INTU: variants seen among roughly 807,000 people sequenced by gnomAD.
INTU encodes inturned planar cell polarity protein.
INTU carries 68 observed loss-of-function variants against 100.5 expected under a neutral mutation model. The observed-to-expected ratio is 0.68, with a 90% CI of 0.56 to 0.83. The LOEUF (loss-of-function observed/expected upper bound fraction) is 0.83. Among genes scored for constraint, INTU ranks in the 40% least tolerant of loss-of-function variants. INTU has a pLI of 0.00. For missense variants in INTU, 1,071 were observed against 1,114.7 expected (o/e 0.96, Z 0.56); for synonymous variants, 357 against 395.7 (o/e 0.90, Z 1.16).
intron 13 of INTU, among the ~76,000 whole-genome samples, chr4:127,710,536 G>A (rs556749055): frequency 1.1e-4 from 17 of 152,176 alleles, no homozygotes; most frequent in Non-Finnish European, 1.6e-4. Context: ...CTGATATCTT[G>A]TTTATGGCTT....
intron 8 of INTU, among the ~76,000 whole-genome samples, chr4:127,697,328 C>G (rs1174511139): frequency 2.0e-5 from 3 of 152,122 alleles, no homozygotes; most frequent in Non-Finnish European, 4.4e-5. Context: ...CTCCCTACCC[C>G]TCCATCCCCA....
chr4:127,672,948 A>G (rs1292637629), intron 5 of INTU, among the ~76,000 whole-genome samples: 1 of 152,254 alleles, frequency 6.6e-6, no homozygotes, highest in African/African-American at 2.4e-5. Flanking sequence ...AATAGTTTCC[A>G]CATAGGTGTA....
chr4:127,716,146 C>T (rs1731254687), intron 15 of INTU, among the ~76,000 whole-genome samples, 179 bp from the exon 16 acceptor site: 1 of 152,052 alleles, frequency 6.6e-6, no homozygotes, highest in Admixed American at 6.6e-5. Context: ...TGACCTAAGG[C>T]ATATATTATT....
chr4:127,638,494 C>A (rs1252916559), intron 1 of INTU, among the ~76,000 whole-genome samples: 1 of 151,902 alleles, frequency 6.6e-6, no homozygotes, highest in African/African-American at 2.4e-5. Flanking sequence ...GGCATTAATG[C>A]AAATAAAGAC....
chr4:127,647,579 G>A (rs527330459), intron 2 of INTU, among the ~76,000 whole-genome samples: 2 of 152,318 alleles, frequency 1.3e-5, no homozygotes, highest in Admixed American at 6.5e-5. Context: ...CCTTCTTGCT[G>A]TGTAAGGTAG....
chr4:127,665,209 T>C (rs1385965735), intron 4 of INTU, among the ~76,000 whole-genome samples: 2 of 149,244 alleles, frequency 1.3e-5, no homozygotes, highest in Non-Finnish European at 3.0e-5. Context: ...CACCAAAAAA[T>C]TTATAAATTA....
At chr4:127,684,573 G>A in intron 7 of INTU, 87 bp downstream of exon 7, 3 of 742,220 alleles carry the variant, frequency 4.0e-6, no homozygotes, top group East Asian at 2.8e-5. Context: ...TTGCTTGACA[G>A]GTTAGTTATT....
intron 6 of INTU, among the ~76,000 whole-genome samples, chr4:127,681,883 C>T (rs1475156025): frequency 2.0e-5 from 3 of 152,004 alleles, no homozygotes; most frequent in Admixed American, 2.0e-4. Flanking sequence ...CCAGAATCTA[C>T]AATGAACTCA....
At chr4:127,660,927 A>T (rs1351442157) in intron 3 of INTU, among the ~76,000 whole-genome samples, 4 of 152,208 alleles carry the variant, frequency 2.6e-5, no homozygotes, top group African/African-American at 9.6e-5. Context: ...CCTATTTTTT[A>T]AAATAGCACT....
At chr4:127,689,758 GAGGCAAGGGA>G (rs1730024708) in intron 8 of INTU, among the ~76,000 whole-genome samples, 1 of 151,658 alleles carries the variant, frequency 6.6e-6, no homozygotes, top group African/African-American at 2.4e-5. Flanking sequence ...GGGGAGGGAA[GAGGCAAGGGA>G]AGGGAAGGGA....
intron 3 of INTU, among the ~76,000 whole-genome samples, chr4:127,660,819 T>C (rs931132354): frequency 6.6e-6 from 1 of 152,162 alleles, no homozygotes; most frequent in African/African-American, 2.4e-5. Flanking sequence ...GAAAACCCTT[T>C]ATAAGAAGCT....
intron 8 of INTU, among the ~76,000 whole-genome samples, chr4:127,691,544 T>A (rs1307293676): frequency 2.0e-5 from 3 of 152,190 alleles, no homozygotes; most frequent in African/African-American, 4.8e-5. Context: ...ATGTGCTTAT[T>A]TGCCTTCTGA....
At chr4:127,657,614 G>A (rs997664756) in intron 3 of INTU, among the ~76,000 whole-genome samples, 7 of 152,092 alleles carry the variant, frequency 4.6e-5, no homozygotes, top group Non-Finnish European at 8.8e-5. Context: ...CCTCCTGTTA[G>A]ATCAGGGGTG....
chr4:127,679,352 A>G (rs200857188), intron 6 of INTU, among the ~76,000 whole-genome samples: 4,577 of 152,220 alleles, frequency 0.03, 297 homozygotes, highest in East Asian at 0.27. Flanking sequence ...CATACTTGGA[A>G]GTAAAGCTCT....
intron 6 of INTU, among the ~76,000 whole-genome samples, chr4:127,681,462 A>G (rs1029828400): frequency 2.6e-5 from 4 of 152,192 alleles, no homozygotes; most frequent in Non-Finnish European, 5.9e-5. Flanking sequence ...ATCTACAACT[A>G]TCTGATCTTT....
intron 4 of INTU, among the ~76,000 whole-genome samples, chr4:127,668,637 G>T (rs1728795604): frequency 6.6e-6 from 1 of 151,580 alleles, no homozygotes; most frequent in African/African-American, 2.4e-5. Flanking sequence ...GTTACTTGTG[G>T]TACCTGTGTA....
intron 6 of INTU, among the ~76,000 whole-genome samples, chr4:127,681,193 A>G (rs894278812): frequency 7.2e-5 from 11 of 152,228 alleles, no homozygotes; most frequent in Admixed American, 2.6e-4. Context: ...TAATTTATAG[A>G]TTCAATGCCA....
At chr4:127,679,017 T>TAATG (rs1729377300) in intron 6 of INTU, among the ~76,000 whole-genome samples, 1 of 151,962 alleles carries the variant, frequency 6.6e-6, no homozygotes, top group Non-Finnish European at 1.5e-5. Flanking sequence ...GGCCATTACA[T>TAATG]AATGGTAAAG....
intron 13 of INTU, 109 bp downstream of exon 13, chr4:127,708,777 T>A (rs1730984847): frequency 3.4e-6 from 2 of 590,882 alleles, no homozygotes; most frequent in Non-Finnish European, 6.1e-6. Flanking sequence ...TGATATATCT[T>A]ACATATTAAA....
Sources: gnomAD v4.1 joint callset for allele counts (sites outside exome capture counted in the v4.1 genomes callset) on GRCh38, gnomAD v4.1.1 for gene constraint, MANE v1.5 for transcripts, NCBI Gene and HGNC (gene_info 2026-07-23, HGNC 2026-07-21) for gene names.